Variants in TUBGCP2 observed in about 807,000 individuals in gnomAD.
The protein encoded by TUBGCP2 is gamma-tubulin complex component 2.
TUBGCP2 carries 55 observed loss-of-function variants against 92.2 expected under a neutral mutation model. The ratio of observed to expected loss-of-function variants is 0.60; its 90% CI spans 0.48 to 0.75. TUBGCP2 has a LOEUF of 0.75. TUBGCP2 is among the 30% of genes least tolerant of loss of function. TUBGCP2 has a pLI of 0.00. For missense variants in TUBGCP2, 1,093 were observed against 1,188.9 expected, an observed-to-expected ratio of 0.92 and a Z score of 1.19; for synonymous variants, 533 against 505.2, an observed-to-expected ratio of 1.06 and a Z score of -0.74.
Position 133,288,935 on chromosome 10 carries a change from C to G in TUBGCP2, c.1446G>C (p.Arg482=). The part of the protein sequence containing the change: ...AKEIIYTLKE[R]AYVEQIEKAF... ...CCTTCTCGATCTGCTCCACATACGC[C>G]CGCTCTTTTAACGTGTAGATGATCT... Residue 482 remains arginine, a synonymous_variant, in exon 10 of 18, where the codon CGG becomes CGC. Coordinates refer to ENST00000252936, the MANE Select transcript of TUBGCP2 (RefSeq NM_006659.4). The G allele has an allele frequency of 6.2e-7, 1 of 1,614,214 alleles. No individual in the cohort carries two copies. The highest frequency in any genetic ancestry group is 8.5e-7 in the Non-Finnish European group (1 of 1,180,028).
intron 2 of TUBGCP2, chr10:133,302,512 T>G: frequency 1.6e-5 from 5 of 318,526 alleles, no homozygotes; most frequent in Middle Eastern, 1.1e-3. Flanking sequence ...GCGGTGCTCA[T>G]CATGCACCCT....
chr10:133,303,528 C>A (rs934116165), intron 1 of TUBGCP2, among the ~76,000 whole-genome samples: 1 of 152,164 alleles, frequency 6.6e-6, no homozygotes, highest in Non-Finnish European at 1.5e-5. Flanking sequence ...TGGTCCCAGA[C>A]GTGAGGCCTG....
At chr10:133,290,050 G>T in intron 8 of TUBGCP2, 81 bp from the exon 9 acceptor site, 1 of 1,563,730 alleles carries the variant, frequency 6.4e-7, no homozygotes, top group Non-Finnish European at 8.8e-7. Flanking sequence ...CCGGCAGCGC[G>T]CAGGGACATT....
upstream of TUBGCP2, chr10:133,309,693 C>T (rs912636386): frequency 6.7e-7 from 1 of 1,500,712 alleles, no homozygotes; most frequent in South Asian, 1.1e-5. Flanking sequence ...CTTTATTGGA[C>T]GTCTCAAAGG....
chr10:133,302,516 G>C, intron 2 of TUBGCP2: 1 of 403,922 alleles, frequency 2.5e-6, no homozygotes, highest in South Asian at 2.7e-5. Flanking sequence ...TGCTCATCAT[G>C]CACCCTGACC....
At chr10:133,283,359 G>A (rs1234830291) in intron 14 of TUBGCP2, 138 bp from the exon 15 acceptor site, 4 of 1,260,728 alleles carry the variant, frequency 3.2e-6, no homozygotes, top group Admixed American at 5.1e-5. Context: ...GGCTTTTAGG[G>A]GAAAACTTCC....
At chr10:133,281,888 C>G (rs545900529) in intron 16 of TUBGCP2, among the ~76,000 whole-genome samples, 1 of 152,376 alleles carries the variant, frequency 6.6e-6, no homozygotes, top group East Asian at 1.9e-4. Context: ...CCTGTCCGTG[C>G]CTGCTGAGAG....
At chr10:133,299,658 G>A in intron 3 of TUBGCP2, 55 bp from the exon 4 acceptor site, 2 of 1,477,318 alleles carry the variant, frequency 1.4e-6, no homozygotes, top group African/African-American at 1.4e-5. Flanking sequence ...TTTGGCCATA[G>A]GGGGAGAGTA....
Position 133,292,633 on chromosome 10 carries a change from G to A in TUBGCP2, c.1080C>T (p.His360=), listed in dbSNP as rs112795322. Residue 360 remains histidine (H), a synonymous_variant, in exon 8 of 18, where the codon CAC becomes CAT. Transcript: ENST00000252936. Reference sequence around the variant, plus strand: ...CCCCTGTGTAGCTGAAGCTCCTGTCGTGGAGCAGGCTCAGCGTGGACCCCC... The same window carrying A: ...CCCCTGTGTAGCTGAAGCTCCTGTCATGGAGCAGGCTCAGCGTGGACCCCC... ...CLGGSTLSLL[H]DRSFSYTGDS... The A allele has an allele frequency of 3.6e-3, 5,891 of 1,614,116 alleles. 10 individuals are homozygous for A. Among genetic ancestry groups the A allele is most frequent in the Admixed American group, 6.5e-3 (389 of 60,016 alleles).
intron 6 of TUBGCP2, 92 bp downstream of exon 6, chr10:133,293,470 A>T: frequency 3.5e-6 from 5 of 1,428,830 alleles, no homozygotes; most frequent in Non-Finnish European, 4.8e-6. Flanking sequence ...CTCTCTTTAG[A>T]AGCGATGCAG....
chr10:133,288,218 C>A lies in TUBGCP2; in HGVS notation c.1633G>T (p.Asp545Tyr). ...AEEELRKPVEDITPPRLEALL... is the reference protein window; with the variant it reads ...AEEELRKPVEYITPPRLEALL... ...GCTTCCAGGCGAGGGGGCGTGATGT[C>A]CTCCACCGGCTTCCGGAGCTCCTCC... The change falls in exon 11 of 18, where the codon GAC becomes TAC. Residue 545 changes from aspartate to tyrosine, a missense_variant. This residue lies in a region of TUBGCP2 where 598 missense variants were observed against 675.5 expected (regional missense o/e 0.89). Coordinates refer to ENST00000252936, the MANE Select transcript of TUBGCP2 (RefSeq NM_006659.4). The A allele has an allele frequency of 3.1e-6, 5 of 1,613,910 alleles. No homozygotes were observed. Among genetic ancestry groups the A allele is most frequent in the Non-Finnish European group, 4.2e-6 (5 of 1,179,958 alleles).
chr10:133,290,135 G>A, intron 8 of TUBGCP2, 166 bp from the exon 9 acceptor site: 1 of 990,006 alleles, frequency 1.0e-6, no homozygotes, highest in Non-Finnish European at 1.4e-6. Context: ...CTCAACTGTG[G>A]GCTAAAACGA....
At chr10:133,284,183 C>T (rs1187380967) in intron 13 of TUBGCP2, among the ~76,000 whole-genome samples, 181 bp from the exon 14 acceptor site, 2 of 152,222 alleles carry the variant, frequency 1.3e-5, no homozygotes, top group East Asian at 3.9e-4. Flanking sequence ...CTGCGTCTGC[C>T]CAGCACAAGC....
intron 5 of TUBGCP2, among the ~76,000 whole-genome samples, chr10:133,296,848 G>A (rs528714693): frequency 1.2e-4 from 19 of 152,242 alleles, no homozygotes; most frequent in African/African-American, 4.1e-4. Flanking sequence ...CTTACAGCAG[G>A]GTTTTTCTAT....
At chr10:133,288,742 A>C in intron 10 of TUBGCP2, 98 bp downstream of exon 10, 1 of 1,339,030 alleles carries the variant, frequency 7.5e-7, no homozygotes, top group Non-Finnish European at 1.0e-6. Context: ...GACAAGGCGG[A>C]GCTGCCAGAA....
Position 133,279,335 on chromosome 10 carries a change from G to T in TUBGCP2, c.*431C>A. ...AAAGCAAACCCGACACCCGATGCCC[G>T]GTGGGTTTCCACAACTCCCTGACCG... On this transcript the variant is annotated 3_prime_UTR_variant, in exon 18 of 18. Transcript: ENST00000252936. 1 of 168,890 alleles carries T rather than the reference G, an allele frequency of 5.9e-6. No individual in the cohort carries two copies. Among genetic ancestry groups the T allele is most frequent in the Non-Finnish European group, 1.3e-5 (1 of 78,520 alleles). 10.5% of individuals were successfully genotyped at this position (168,890 alleles called of 1,614,324 possible).
Position 133,300,042 on chromosome 10 carries a change from A to G in TUBGCP2, c.222T>C (p.Asn74=). 16 of 1,614,144 alleles carry G rather than the reference A, an allele frequency of 9.9e-6. No homozygotes were observed. The highest frequency in any genetic ancestry group is 1.4e-5 in the Non-Finnish European group (16 of 1,180,018). ...LKKYDELKSK[N]TRNLDPLVYL... ...ACACCAGCGGGTCAAGGTTCCTTGT[A>G]TTTTTAGATTTCAGTTCATCATATT... Residue 74 remains asparagine (N), a synonymous_variant, in exon 3 of 18, where the codon AAT becomes AAC. Coordinates refer to ENST00000252936, the MANE Select transcript of TUBGCP2 (RefSeq NM_006659.4).
chr10:133,279,440 C>G lies in TUBGCP2; in HGVS notation c.*326G>C, dbSNP rs1846909209. On this transcript the variant is annotated 3_prime_UTR_variant, in exon 18 of 18. Transcript: ENST00000252936. ...ACCCGGAAAGATGTGGACACCAGGC[C>G]TGGATCTTACCCCACATGCATCTTT... 1 of 302,434 alleles carries G rather than the reference C, an allele frequency of 3.3e-6. No homozygotes were observed. The highest frequency in any genetic ancestry group is 5.5e-5 in the Admixed American group (1 of 18,286). The allele number at this position is 302,434 out of a possible 1,614,324, so 18.7% of individuals were successfully genotyped here. A position where few individuals can be genotyped will look rare whatever the true frequency, so the allele number is the denominator to read the frequency against.
At chr10:133,301,791 T>A (rs1422216395) in intron 2 of TUBGCP2, 1 of 133,112 alleles carries the variant, frequency 7.5e-6, no homozygotes, top group African/African-American at 2.8e-5. Context: ...CTCGGCTCAC[T>A]GCAAGCTCCA....
Sources: allele counts gnomAD v4.1 joint callset (sites outside exome capture counted in the v4.1 genomes callset), GRCh38; gene constraint gnomAD v4.1.1; regional missense constraint gnomAD v4.1.1; transcripts MANE v1.5; gene names NCBI Gene and HGNC (gene_info 2026-07-23, HGNC 2026-07-21).